The following BFAR variants were observed in gnomAD, a reference collection of about 807,000 sequenced individuals.
BFAR encodes bifunctional apoptosis regulator, also known as RING finger protein 47.
BFAR carries 52 observed loss-of-function variants against 54.4 expected under a neutral mutation model. The observed-to-expected ratio is 0.96, with a 90% CI of 0.77 to 1.21. BFAR has a LOEUF of 1.21. Among genes scored for constraint, BFAR ranks in the 50% most tolerant of loss-of-function variants. BFAR has a pLI of 0.00. For missense variants in BFAR, 571 were observed against 534.0 expected, an observed-to-expected ratio of 1.07 and a Z score of -0.68; for synonymous variants, 215 against 204.3, an observed-to-expected ratio of 1.05 and a Z score of -0.45.
chr16:14,656,618 G>C (rs1567492739), intron 5 of BFAR, among the ~76,000 whole-genome samples: 1 of 152,090 alleles, frequency 6.6e-6, no homozygotes, highest in Non-Finnish European at 1.5e-5. Context: ...AATAACCTTA[G>C]AGGGTCATTG....
intron 5 of BFAR, among the ~76,000 whole-genome samples, chr16:14,656,377 CA>C (rs960109530): frequency 6.6e-6 from 1 of 150,754 alleles, no homozygotes; most frequent in East Asian, 2.0e-4. Flanking sequence ...AGTACAGACA[CA>C]AAAAAAATTA....
chr16:14,664,477 TAATC>T (rs970631108), intron 6 of BFAR, among the ~76,000 whole-genome samples: 2 of 151,552 alleles, frequency 1.3e-5, no homozygotes, highest in Admixed American at 1.3e-4. Flanking sequence ...GTGTGTGTGG[TAATC>T]AATGTAGAAC....
rs188490005 is a variant in BFAR, at chr16:14,661,860, G to C, written c.784-32G>C. 3,277 of 1,608,710 alleles carry C rather than the reference G, an allele frequency of 2.0e-3. 14 individuals are homozygous for C. The highest frequency in any genetic ancestry group is 2.7e-3 in the South Asian group (243 of 90,824). On this transcript the variant is annotated intron_variant, in intron 5 of 7. Transcript: ENST00000261658. Reference sequence around the variant, plus strand: ...GGGTGGGTAGCTGGCCGCCATGGTTGTAATGTGGCCCTGTACTCTTCTCCT... The same window carrying C: ...GGGTGGGTAGCTGGCCGCCATGGTTCTAATGTGGCCCTGTACTCTTCTCCT...
chr16:14,652,950 C>A (rs975227796), intron 4 of BFAR, among the ~76,000 whole-genome samples: 3 of 152,110 alleles, frequency 2.0e-5, no homozygotes, highest in Non-Finnish European at 4.4e-5. Context: ...CTTTTTCTCT[C>A]CTCTCCACTC....
chr16:14,662,192 CATTT>C (rs1960310793), intron 6 of BFAR, 127 bp downstream of exon 6: 4 of 1,099,472 alleles, frequency 3.6e-6, no homozygotes, highest in Admixed American at 4.1e-5. Flanking sequence ...TCTGGTAGGT[CATTT>C]GAGAGTAATA....
At position 14,647,994 on chromosome 16, in the gene BFAR, C is replaced by G. The variant is rs1938274176; in HGVS notation, c.264-394C>G. ...GTGGCTCATGCCTCTAATCTTAGCA[C>G]TTTGGGAGGCCCCGGTGGGCAGATT... On this transcript the variant is annotated intron_variant, in intron 2 of 7. Transcript: ENST00000261658. Among the ~76,000 whole-genome samples, 3 of 152,114 alleles carry G rather than the reference C, an allele frequency of 2.0e-5. No homozygotes were observed. The South Asian group carries it at 6.2e-4, about 31-fold the overall frequency.
chr16:14,661,882 T>G lies in BFAR; in HGVS notation c.784-10T>G, dbSNP rs764974934. 3 of 1,613,796 alleles carry G rather than the reference T, an allele frequency of 1.9e-6. No homozygotes were observed. In the South Asian group the frequency reaches 3.3e-5, roughly 18 times the overall value. On this transcript the variant is annotated splice_polypyrimidine_tract_variant and intron_variant, in intron 5 of 7. Coordinates refer to ENST00000261658, the MANE Select transcript of BFAR (RefSeq NM_016561.3). ...GTTGTAATGTGGCCCTGTACTCTTC[T>G]CCTCTGCAGGCTGTGAACCCAGGCA...
intron 5 of BFAR, among the ~76,000 whole-genome samples, chr16:14,661,553 C>T (rs1021829015): frequency 1.3e-5 from 2 of 151,922 alleles, no homozygotes; most frequent in South Asian, 2.1e-4. Flanking sequence ...AGGGCATGAG[C>T]CACCATGCCC....
rs1279994695 is a variant in BFAR, at chr16:14,638,906, C to T, written c.-73-5368C>T. Among the ~76,000 whole-genome samples the T allele has an allele frequency of 3.3e-5, 5 of 151,410 alleles. No individual in the cohort carries two copies. In the South Asian group the frequency reaches 8.3e-4, roughly 25 times the overall value. On this transcript the variant is annotated intron_variant, in intron 1 of 7. Coordinates refer to ENST00000261658, the MANE Select transcript of BFAR (RefSeq NM_016561.3). ...GTTGCAGTGAGCCGAGATTGCACCACTGCACTGTAGCTTGGGCAACAGAGT... is the reference window on the plus strand; with the variant it reads ...GTTGCAGTGAGCCGAGATTGCACCATTGCACTGTAGCTTGGGCAACAGAGT...
chr16:14,666,257 A>G (rs927679345), intron 7 of BFAR, among the ~76,000 whole-genome samples: 2 of 152,176 alleles, frequency 1.3e-5, no homozygotes, highest in African/African-American at 2.4e-5. Context: ...AAAAGAACAA[A>G]GGAGAGAGAA....
chr16:14,644,667 G>A, intron 2 of BFAR, 58 bp downstream of exon 2: 4 of 1,404,676 alleles, frequency 2.8e-6, no homozygotes, highest in Non-Finnish European at 3.8e-6. Flanking sequence ...TTTCTCTCTT[G>A]CTTTTTTTTT....
At chr16:14,664,511 T>G (rs982476609) in intron 6 of BFAR, among the ~76,000 whole-genome samples, 5 of 151,990 alleles carry the variant, frequency 3.3e-5, no homozygotes, top group Admixed American at 2.0e-4. Flanking sequence ...TCATCACAAT[T>G]TTTTTTGAGA....
intron 4 of BFAR, chr16:14,650,700 C>G (rs1339007559): frequency 2.0e-5 from 3 of 152,154 alleles, no homozygotes; most frequent in African/African-American, 7.2e-5. Flanking sequence ...AGTAATAATT[C>G]TACTGTAAGA....
At chr16:14,652,738 C>T (rs748837892) in intron 4 of BFAR, among the ~76,000 whole-genome samples, 1 of 151,918 alleles carries the variant, frequency 6.6e-6, no homozygotes, top group Non-Finnish European at 1.5e-5. Flanking sequence ...TTAATTTAAA[C>T]TGAAAATATG....
intron 2 of BFAR, among the ~76,000 whole-genome samples, chr16:14,645,150 T>C (rs1959753633): frequency 6.6e-6 from 1 of 151,852 alleles, no homozygotes; most frequent in Non-Finnish European, 1.5e-5. Flanking sequence ...CTTATCTCTA[T>C]AGAAAGTTTT....
chr16:14,657,348 A>C (rs1960158263), intron 5 of BFAR, among the ~76,000 whole-genome samples: 1 of 151,710 alleles, frequency 6.6e-6, no homozygotes, highest in Admixed American at 6.6e-5. Flanking sequence ...TACTGGGTTC[A>C]CGCCATTCTC....
chr16:14,645,331 G>A (rs1596972858), intron 2 of BFAR, among the ~76,000 whole-genome samples: 1 of 151,986 alleles, frequency 6.6e-6, no homozygotes, highest in South Asian at 2.1e-4. Context: ...AAGAAAGAAA[G>A]AAAGAAAGCA....
chr16:14,652,613 C>A (rs569900061), intron 4 of BFAR, among the ~76,000 whole-genome samples: 75 of 152,164 alleles, frequency 4.9e-4, no homozygotes, highest in African/African-American at 1.8e-3. Flanking sequence ...AAAATAATAA[C>A]TATGTGATAT....
In BFAR at chr16:14,644,450, A is replaced by G; in HGVS notation, c.104A>G (p.His35Arg). The change falls in exon 2 of 8, where the codon CAC (histidine) becomes CGC (arginine). Residue 35 changes from histidine to arginine, a missense_variant. Physicochemically the swap from His to Arg is conservative, Grantham distance 29. Coordinates refer to ENST00000261658, the MANE Select transcript of BFAR (RefSeq NM_016561.3). Reference sequence around the variant, plus strand: ...ATTTCTGTTAGTGAATTTTCTTGCCACTGCTGCTACGACATCCTGGTTAAC... The same window carrying G: ...ATTTCTGTTAGTGAATTTTCTTGCCGCTGCTGCTACGACATCCTGGTTAAC... ...PQISVSEFSC[H>R]CCYDILVNPT... The G allele has an allele frequency of 2.5e-6, 4 of 1,614,076 alleles. No homozygotes were observed. Among genetic ancestry groups the G allele is most frequent in the Non-Finnish European group, 3.4e-6 (4 of 1,180,004 alleles).
Sources: allele counts gnomAD v4.1 joint callset (sites outside exome capture counted in the v4.1 genomes callset), GRCh38; gene constraint gnomAD v4.1.1; transcripts MANE v1.5; gene names NCBI Gene and HGNC (gene_info 2026-07-23, HGNC 2026-07-21).